Variants in OTOGL observed in about 807,000 individuals in gnomAD.
The protein encoded by OTOGL is otogelin-like protein.
In OTOGL, 285 loss-of-function variants were observed where a neutral mutation model predicts 318.5. That is an observed-to-expected ratio of 0.89 (90% CI 0.81 to 0.99). OTOGL has a LOEUF of 0.99. OTOGL is among the 50% of genes least tolerant of loss of function. The pLI, the probability that OTOGL is intolerant of heterozygous loss-of-function variation, is 0.00. For missense variants in OTOGL, 2,899 were observed against 2,845.6 expected (o/e 1.02, Z -0.43); for synonymous variants, 987 against 936.5 (o/e 1.05, Z -0.99).
chr12:80,364,402 T>C (rs575474019), intron 52 of OTOGL, among the ~76,000 whole-genome samples: 1 of 152,304 alleles, frequency 6.6e-6, no homozygotes, highest in East Asian at 1.9e-4. Flanking sequence ...TTTAAAATAA[T>C]AACTTTATTG....
rs187146248 is a variant in OTOGL at position 80,123,279 on chromosome 12, T to G, written c.-20+23674T>G. On this transcript the variant is annotated intron_variant, in intron 1 of 58. Transcript: ENST00000547103. Reference sequence around the variant, plus strand: ...ATTCCCACCTATGAGTGAGAACATGTGGTGTTTGGGTTTTTGTCCTTGCGA... The same window carrying G: ...ATTCCCACCTATGAGTGAGAACATGGGGTGTTTGGGTTTTTGTCCTTGCGA... 6.4e-3 allele frequency among the ~76,000 whole-genome samples: 969 copies of G among 151,962 alleles called. 8 individuals are homozygous for G. The highest frequency in any genetic ancestry group is 9.7e-3 in the Non-Finnish European group (656 of 67,922).
chr12:80,251,748 T>G lies in OTOGL; in HGVS notation c.1108T>G (p.Ser370Ala). Reference protein sequence around the residue: ...RAATEYARACSHAGYPIQDWR... With the variant: ...RAATEYARACAHAGYPIQDWR... ...AGCCACTGAGTATGCTAGAGCCTGC[T>G]CTCATGCTGGCTACCCTATTCAAGA... The change falls in exon 12 of 59, where the codon TCT becomes GCT. Residue 370 changes from serine (S) to alanine (A), a missense_variant. By Grantham distance (99) the Ser-to-Ala change is moderately conservative (BLOSUM62 1). This residue lies in a region of OTOGL where 2,607 missense variants were observed against 2,524.9 expected (regional missense o/e 1.03). Coordinates refer to ENST00000547103, the MANE Select transcript of OTOGL (RefSeq NM_001378609.3). 6.3e-7 allele frequency: 1 copy of G among 1,594,344 alleles called. No individual in the cohort carries two copies. The highest frequency in any genetic ancestry group is 2.3e-5 in the East Asian group (1 of 44,416).
chr12:80,170,645 G>C (rs1187768153), intron 1 of OTOGL, among the ~76,000 whole-genome samples: 2 of 152,086 alleles, frequency 1.3e-5, no homozygotes, highest in Non-Finnish European at 2.9e-5. Context: ...TGTTGCCCAG[G>C]CTGGTCTTGA....
chr12:80,305,805 A>C, intron 29 of OTOGL, 110 bp downstream of exon 29: 1 of 897,842 alleles, frequency 1.1e-6, no homozygotes, highest in Non-Finnish European at 1.5e-6. Flanking sequence ...CTATTTTCAT[A>C]GTAATTTATA....
intron 1 of OTOGL, among the ~76,000 whole-genome samples, chr12:80,155,558 T>A (rs1394176568): frequency 6.6e-6 from 1 of 152,234 alleles, no homozygotes; most frequent in Non-Finnish European, 1.5e-5. Flanking sequence ...CAATGCATAA[T>A]AATCACATCA....
intron 1 of OTOGL, among the ~76,000 whole-genome samples, chr12:80,103,727 T>C (rs889729671): frequency 1.6e-4 from 25 of 152,226 alleles, no homozygotes; most frequent in Non-Finnish European, 2.9e-4. Context: ...TTTAGGAACA[T>C]AGTAATAGCT....
chr12:80,265,635 T>C (rs1015424350), intron 20 of OTOGL: 3 of 193,702 alleles, frequency 1.5e-5, no homozygotes, highest in Admixed American at 1.1e-4. Context: ...TTCACACTTA[T>C]GTTGTCTGCC....
intron 57 of OTOGL, among the ~76,000 whole-genome samples, chr12:80,374,456 A>G (rs1279767142): frequency 3.3e-5 from 5 of 152,190 alleles, no homozygotes; most frequent in South Asian, 4.1e-4. Context: ...TATAACCTAT[A>G]TATTTTTAAT....
At chr12:80,146,638 A>C (rs905733484) in intron 1 of OTOGL, among the ~76,000 whole-genome samples, 3 of 151,960 alleles carry the variant, frequency 2.0e-5, no homozygotes, top group Non-Finnish European at 4.4e-5. Context: ...GAATGGTATC[A>C]GTTCCTCCTT....
At chr12:80,147,661 A>T (rs1872486736) in intron 1 of OTOGL, among the ~76,000 whole-genome samples, 1 of 152,002 alleles carries the variant, frequency 6.6e-6, no homozygotes. Flanking sequence ...GGGGTGTTAA[A>T]GTCTCCCATT....
At chr12:80,353,033 G>T (rs183379799) in intron 45 of OTOGL, among the ~76,000 whole-genome samples, 1 of 152,080 alleles carries the variant, frequency 6.6e-6, no homozygotes, top group Non-Finnish European at 1.5e-5. Flanking sequence ...CCAGACTTGG[G>T]CTGCCTGTTG....
At chr12:80,231,957 A>G (rs1879406636) in intron 8 of OTOGL, among the ~76,000 whole-genome samples, 1 of 152,134 alleles carries the variant, frequency 6.6e-6, no homozygotes, top group East Asian at 1.9e-4. Context: ...TCTTAATAGA[A>G]ATGAGTTTTT....
At chr12:80,266,131 T>G (rs1882942917) in intron 20 of OTOGL, 1 of 225,306 alleles carries the variant, frequency 4.4e-6, no homozygotes, top group Non-Finnish European at 8.7e-6. Flanking sequence ...TGTCTATGGC[T>G]GCTTCTATAC....
intron 11 of OTOGL, among the ~76,000 whole-genome samples, chr12:80,241,560 A>G (rs904055853): frequency 1.3e-5 from 2 of 152,056 alleles, no homozygotes; most frequent in African/African-American, 4.8e-5. Flanking sequence ...ACAGTGTCTC[A>G]GTCTTGGACT....
intron 23 of OTOGL, 81 bp downstream of exon 23, chr12:80,270,235 CTCT>C: frequency 8.6e-7 from 1 of 1,160,914 alleles, no homozygotes; most frequent in Non-Finnish European, 1.3e-6. Flanking sequence ...CATCAATCAC[CTCT>C]TCTTCCCAAT....
intron 32 of OTOGL, among the ~76,000 whole-genome samples, chr12:80,317,008 G>A (rs1008913336): frequency 1.3e-5 from 2 of 152,118 alleles, no homozygotes; most frequent in African/African-American, 4.8e-5. Context: ...AGTAGTAGAA[G>A]AATTCAAAGG....
At chr12:80,102,904 C>G (rs7138580) in intron 1 of OTOGL, 513,473 of 817,470 alleles carry the variant, frequency 0.63, 165,221 homozygotes, top group African/African-American at 0.79. Flanking sequence ...GATTATTCCT[C>G]CATCTTCTCA....
At chr12:80,193,707 G>A (rs1211087040) in intron 1 of OTOGL, among the ~76,000 whole-genome samples, 4 of 152,188 alleles carry the variant, frequency 2.6e-5, no homozygotes, top group Non-Finnish European at 4.4e-5. Flanking sequence ...ATGTGCAAGA[G>A]CCAGGAAGCT....
chr12:80,321,220 G>A lies in OTOGL; in HGVS notation c.4081+520G>A, dbSNP rs902017416. On this transcript the variant is annotated intron_variant, in intron 34 of 58. Transcript: ENST00000547103. ...ATCTTACTTCTAGAGAGCCTTTGAGGTCTATAGCTATTGAATTTTCTGCAG... is the reference window on the plus strand; with the variant it reads ...ATCTTACTTCTAGAGAGCCTTTGAGATCTATAGCTATTGAATTTTCTGCAG... 2.0e-5 allele frequency among the ~76,000 whole-genome samples: 3 copies of A among 152,228 alleles called. No individual in the cohort carries two copies. In the South Asian group the frequency reaches 6.2e-4, roughly 32 times the overall value.
Sources: gnomAD v4.1 joint callset for allele counts (sites outside exome capture counted in the v4.1 genomes callset) on GRCh38, gnomAD v4.1.1 for gene constraint, gnomAD v4.1.1 regional missense constraint, MANE v1.5 for transcripts, NCBI Gene and HGNC (gene_info 2026-07-23, HGNC 2026-07-21) for gene names.